CSMD2: variants seen among roughly 807,000 people sequenced by gnomAD.
CSMD2 encodes CUB and sushi domain-containing protein 2.
A neutral mutation model predicts 398.5 loss-of-function variants in CSMD2; 130 were observed. The ratio of observed to expected loss-of-function variants is 0.33; its 90% CI spans 0.28 to 0.38. CSMD2 has a LOEUF of 0.38. Among genes scored for constraint, CSMD2 ranks in the 10% least tolerant of loss-of-function variants. CSMD2 has a pLI of 1.00. For missense variants in CSMD2, 3,829 were observed against 4,764.9 expected, an observed-to-expected ratio of 0.80 and a Z score of 5.78; for synonymous variants, 1,828 against 1,908.5, an observed-to-expected ratio of 0.96 and a Z score of 1.10.
At chr1:33,912,868 A>G (rs1449660696) in intron 5 of CSMD2, among the ~76,000 whole-genome samples, 2 of 152,154 alleles carry the variant, frequency 1.3e-5, no homozygotes, top group Non-Finnish European at 2.9e-5. Context: ...GCTGGAGTAC[A>G]GTGGCACAAT....
At chr1:33,774,438 A>C (rs1022453401) in intron 12 of CSMD2, among the ~76,000 whole-genome samples, 1 of 152,106 alleles carries the variant, frequency 6.6e-6, no homozygotes, top group Non-Finnish European at 1.5e-5. Flanking sequence ...TCTGAAGGAA[A>C]GAAGGGGCTC....
At chr1:33,920,106 T>C (rs1023690081) in intron 4 of CSMD2, among the ~76,000 whole-genome samples, 7 of 151,954 alleles carry the variant, frequency 4.6e-5, no homozygotes, top group Admixed American at 2.6e-4. Flanking sequence ...AAGTTGACAT[T>C]TGAGCCAAGA....
chr1:33,626,058 A>C (rs1642106771), intron 33 of CSMD2, among the ~76,000 whole-genome samples: 2 of 152,314 alleles, frequency 1.3e-5, no homozygotes, highest in South Asian at 4.1e-4. Context: ...CCTAGCTCGA[A>C]GGTGGGGAGG....
At chr1:33,546,475 C>A (rs191930332) in intron 56 of CSMD2, among the ~76,000 whole-genome samples, 1 of 152,174 alleles carries the variant, frequency 6.6e-6, no homozygotes, top group East Asian at 1.9e-4. Context: ...CTCTGTGGCC[C>A]GTGCCAGTCT....
chr1:34,113,267 G>A (rs1004808315), intron 1 of CSMD2, among the ~76,000 whole-genome samples: 3 of 152,282 alleles, frequency 2.0e-5, no homozygotes, highest in African/African-American at 7.2e-5. Context: ...GAAAGTGTGG[G>A]TCTTAAAACG....
chr1:33,872,886 C>T (rs970660294), intron 5 of CSMD2, among the ~76,000 whole-genome samples: 6 of 152,246 alleles, frequency 3.9e-5, no homozygotes, highest in Admixed American at 6.5e-5. Context: ...GAGAATTATC[C>T]CCAGGCTTTG....
At chr1:33,527,344 A>G in intron 64 of CSMD2, 86 bp from the exon 65 acceptor site, 1 of 1,080,738 alleles carries the variant, frequency 9.3e-7, no homozygotes. Context: ...GTCTGACCTT[A>G]GGTCAATGGG....
chr1:33,909,725 G>GTCC (rs1382288689), intron 5 of CSMD2, among the ~76,000 whole-genome samples: 6 of 152,164 alleles, frequency 3.9e-5, no homozygotes, highest in African/African-American at 1.2e-4. Context: ...ACCGCTCATG[G>GTCC]TCCTGCCAGG....
chr1:33,672,114 T>C (rs1644521680), intron 25 of CSMD2, among the ~76,000 whole-genome samples: 1 of 151,880 alleles, frequency 6.6e-6, no homozygotes, highest in African/African-American at 2.4e-5. Context: ...TTCATCTCAC[T>C]GGGGAGTGCC....
chr1:33,542,218 A>C (rs546159773), intron 58 of CSMD2, among the ~76,000 whole-genome samples: 1 of 152,220 alleles, frequency 6.6e-6, no homozygotes, highest in Non-Finnish European at 1.5e-5. Context: ...GAGAAGCAAG[A>C]AATTGGAGCT....
At chr1:33,937,108 T>A (rs1195323136) in intron 3 of CSMD2, among the ~76,000 whole-genome samples, 1 of 152,220 alleles carries the variant, frequency 6.6e-6, no homozygotes, top group Non-Finnish European at 1.5e-5. Context: ...TATATCAAAA[T>A]AATTGTTGCA....
At chr1:34,085,887 C>G (rs1657819402) in intron 2 of CSMD2, among the ~76,000 whole-genome samples, 1 of 152,134 alleles carries the variant, frequency 6.6e-6, no homozygotes, top group South Asian at 2.1e-4. Context: ...CAAGACTGCT[C>G]TGGAAACACT....
At chr1:34,083,840 G>A (rs1043485469) in intron 2 of CSMD2, among the ~76,000 whole-genome samples, 3 of 152,132 alleles carry the variant, frequency 2.0e-5, no homozygotes, top group African/African-American at 7.2e-5. Flanking sequence ...AAGTGCTTGA[G>A]TCCAGGAGAC....
At chr1:34,149,749 TGGTG>T (rs1640117727) in intron 1 of CSMD2, among the ~76,000 whole-genome samples, 1 of 152,188 alleles carries the variant, frequency 6.6e-6, no homozygotes, top group Non-Finnish European at 1.5e-5. Context: ...CTGGTCAGCC[TGGTG>T]ACAACCTCTG....
At chr1:33,821,001 G>A (rs1658079411) in intron 7 of CSMD2, among the ~76,000 whole-genome samples, 1 of 152,174 alleles carries the variant, frequency 6.6e-6, no homozygotes, top group South Asian at 2.1e-4. Context: ...AATAAAAGGT[G>A]GGTGCATGAT....
chr1:34,065,987 A>G (rs1655064466), intron 2 of CSMD2, among the ~76,000 whole-genome samples: 1 of 152,170 alleles, frequency 6.6e-6, no homozygotes, highest in South Asian at 2.1e-4. Flanking sequence ...GTCAAGACAT[A>G]ATGGTCAACT....
chr1:33,992,876 C>CAA (rs199827617), intron 3 of CSMD2, among the ~76,000 whole-genome samples: 8,037 of 61,644 alleles, frequency 0.13, 642 homozygotes, highest in East Asian at 0.5. Flanking sequence ...GACTCCATCT[C>CAA]AAAAAAAAAA....
chr1:33,816,325 A>G (rs938936078), intron 9 of CSMD2, among the ~76,000 whole-genome samples: 2 of 152,160 alleles, frequency 1.3e-5, no homozygotes, highest in Non-Finnish European at 2.9e-5. Flanking sequence ...AAACTCTATC[A>G]ACACCAATTT....
chr1:34,067,272 C>T (rs1027713268), intron 2 of CSMD2, among the ~76,000 whole-genome samples: 7 of 152,168 alleles, frequency 4.6e-5, no homozygotes, highest in Admixed American at 4.6e-4. Flanking sequence ...ATTAAGACAA[C>T]AGAGCATTAT....
Sources: gnomAD v4.1 joint callset for allele counts (sites outside exome capture counted in the v4.1 genomes callset) on GRCh38, gnomAD v4.1.1 for gene constraint, MANE v1.5 for transcripts, NCBI Gene and HGNC (gene_info 2026-07-23, HGNC 2026-07-21) for gene names.